The following TWSG1 variants were observed in gnomAD, a reference collection of about 807,000 sequenced individuals.
The protein encoded by TWSG1 is twisted gastrulation protein homolog 1.
In TWSG1, 15 loss-of-function variants were observed where a neutral mutation model predicts 23.0. The observed-to-expected ratio is 0.65, with a 90% CI of 0.44 to 1.00. The LOEUF (loss-of-function observed/expected upper bound fraction) is 1.00. Among genes scored for constraint, TWSG1 ranks in the 50% least tolerant of loss-of-function variants. TWSG1 has a pLI of 0.00. For missense variants in TWSG1, 242 were observed against 278.7 expected (o/e 0.87, Z 0.94); for synonymous variants, 86 against 92.8 (o/e 0.93, Z 0.42).
At chr18:9,395,102 T>C (rs1246583731) in intron 3 of TWSG1, among the ~76,000 whole-genome samples, 2 of 152,236 alleles carry the variant, frequency 1.3e-5, no homozygotes, top group African/African-American at 4.8e-5. Flanking sequence ...AGCAGTCCTT[T>C]AGTCTTTCTC....
chr18:9,392,337 C>T (rs1435474332), intron 3 of TWSG1, among the ~76,000 whole-genome samples: 1 of 152,232 alleles, frequency 6.6e-6, no homozygotes, highest in Non-Finnish European at 1.5e-5. Context: ...CTTCTCGTTG[C>T]ACTTTTATGT....
intron 2 of TWSG1, among the ~76,000 whole-genome samples, chr18:9,355,057 G>C (rs1267718001): frequency 6.6e-6 from 1 of 151,954 alleles, no homozygotes; most frequent in Non-Finnish European, 1.5e-5. Flanking sequence ...CCAGGTTAAC[G>C]CCATTCTCCT....
intron 3 of TWSG1, among the ~76,000 whole-genome samples, chr18:9,370,181 G>A (rs1016352501): frequency 9.2e-5 from 14 of 152,112 alleles, no homozygotes; most frequent in African/African-American, 3.1e-4. Context: ...AGCTGGGTGT[G>A]GTGGTGTGTA....
At chr18:9,372,340 C>T (rs1453320199) in intron 3 of TWSG1, among the ~76,000 whole-genome samples, 1 of 142,586 alleles carries the variant, frequency 7.0e-6, no homozygotes, top group Non-Finnish European at 1.5e-5. Flanking sequence ...TTAACAATAA[C>T]AATTTATAGC....
chr18:9,347,283 C>G (rs1368918799), intron 2 of TWSG1, among the ~76,000 whole-genome samples: 4 of 152,088 alleles, frequency 2.6e-5, no homozygotes, highest in African/African-American at 4.8e-5. Flanking sequence ...TCATCTGATT[C>G]TTTGGAGAGT....
intron 3 of TWSG1, among the ~76,000 whole-genome samples, chr18:9,386,270 G>A (rs2040683773): frequency 6.6e-6 from 1 of 151,964 alleles, no homozygotes; most frequent in Non-Finnish European, 1.5e-5. Flanking sequence ...GACCAGCCTG[G>A]CTAACATGGT....
At chr18:9,337,720 C>G in intron 2 of TWSG1, among the ~76,000 whole-genome samples, 1 of 152,108 alleles carries the variant, frequency 6.6e-6, no homozygotes, top group Middle Eastern at 3.2e-3. Flanking sequence ...TAAATTGTTA[C>G]CCTAAGTATG....
At chr18:9,386,006 TAA>T (rs2040681647) in intron 3 of TWSG1, among the ~76,000 whole-genome samples, 1 of 151,114 alleles carries the variant, frequency 6.6e-6, no homozygotes, top group Non-Finnish European at 1.5e-5. Flanking sequence ...CCAACTCTAC[TAA>T]AAATACAAAA....
chr18:9,381,663 A>C (rs1042664070), intron 3 of TWSG1, among the ~76,000 whole-genome samples: 1 of 152,192 alleles, frequency 6.6e-6, no homozygotes, highest in Non-Finnish European at 1.5e-5. Context: ...ATATCCTTGA[A>C]CATAGTAAAT....
chr18:9,392,648 T>C (rs140563637), intron 3 of TWSG1, among the ~76,000 whole-genome samples: 138 of 152,388 alleles, frequency 9.1e-4, no homozygotes, highest in African/African-American at 3.1e-3. Flanking sequence ...ACAAGTGGCC[T>C]AGCTTTTGGC....
At chr18:9,339,681 T>C (rs1217836907) in intron 2 of TWSG1, among the ~76,000 whole-genome samples, 2 of 152,032 alleles carry the variant, frequency 1.3e-5, no homozygotes, top group Admixed American at 6.6e-5. Context: ...TGCATGCTTG[T>C]AATCCCAGCT....
rs564459600 is a variant in TWSG1 at position 9,398,316 on chromosome 18, C to T, written c.491-1030C>T. Among the ~76,000 whole-genome samples, 13 of 152,258 alleles carry T rather than the reference C, an allele frequency of 8.5e-5. No individual in the cohort carries two copies. In the South Asian group the frequency reaches 1.0e-3, roughly 12 times the overall value. On this transcript the variant is annotated intron_variant, in intron 4 of 4. Transcript: ENST00000262120. ...AATTTATGAAGCAATTAGCAAGAAG[C>T]TAATTCCTGGAAACTCCAGCTGTCT...
chr18:9,358,753 A>G (rs552918101), intron 2 of TWSG1, among the ~76,000 whole-genome samples: 2 of 152,204 alleles, frequency 1.3e-5, no homozygotes, highest in Non-Finnish European at 2.9e-5. Flanking sequence ...TATAGAAGCG[A>G]TTCAGGTGTT....
At position 9,364,922 on chromosome 18, in the gene TWSG1, C is replaced by T. The variant is rs1242134622; in HGVS notation, c.223+4851C>T. Reference sequence around the variant, plus strand: ...GGAATCCTACACTACTACATAGTAGCTTAAAATACATTTAGAACAACATGA... The same window carrying T: ...GGAATCCTACACTACTACATAGTAGTTTAAAATACATTTAGAACAACATGA... On this transcript the variant is annotated intron_variant, in intron 3 of 4. Transcript: ENST00000262120. 3.7e-5 allele frequency among the ~76,000 whole-genome samples: 5 copies of T among 135,868 alleles called. No homozygotes were observed. The East Asian group carries it at 9.6e-4, about 26-fold the overall frequency. 89.1% of individuals were successfully genotyped at this position (135,868 alleles called of 152,430 possible).
chr18:9,381,001 T>C (rs2040653292), intron 3 of TWSG1, among the ~76,000 whole-genome samples: 1 of 152,256 alleles, frequency 6.6e-6, no homozygotes, highest in East Asian at 1.9e-4. Flanking sequence ...TTCAAAATAA[T>C]AGGAGTTGTT....
At chr18:9,347,845 T>C (rs1455893792) in intron 2 of TWSG1, among the ~76,000 whole-genome samples, 1 of 152,210 alleles carries the variant, frequency 6.6e-6, no homozygotes, top group Non-Finnish European at 1.5e-5. Context: ...GATGCATTAT[T>C]TTCCTCAGTG....
intron 3 of TWSG1, among the ~76,000 whole-genome samples, chr18:9,391,046 T>C (rs1191645209): frequency 4.6e-5 from 7 of 152,190 alleles, no homozygotes; most frequent in African/African-American, 7.2e-5. Context: ...GAGTCAATCC[T>C]GAAACCCTGC....
At chr18:9,347,836 A>T (rs1007339464) in intron 2 of TWSG1, among the ~76,000 whole-genome samples, 2 of 151,204 alleles carry the variant, frequency 1.3e-5, no homozygotes, top group Non-Finnish European at 3.0e-5. Context: ...TTTTTTTTGG[A>T]TGCATTATTT....
At chr18:9,369,718 A>G (rs1174024163) in intron 3 of TWSG1, among the ~76,000 whole-genome samples, 1 of 152,046 alleles carries the variant, frequency 6.6e-6, no homozygotes, top group African/African-American at 2.4e-5. Context: ...TTTTGTAGCA[A>G]TGGGATCTCT....
Sources: allele counts gnomAD v4.1 joint callset (sites outside exome capture counted in the v4.1 genomes callset), GRCh38; gene constraint gnomAD v4.1.1; transcripts MANE v1.5; gene names NCBI Gene and HGNC (gene_info 2026-07-23, HGNC 2026-07-21).